Variants in MEIS1 observed in about 807,000 individuals in gnomAD.
MEIS1 encodes the protein Meis homeobox 1.
A neutral mutation model predicts 50.8 loss-of-function variants in MEIS1; 5 were observed. The ratio of observed to expected loss-of-function variants is 0.10; its 90% confidence interval spans 0.05 to 0.21. The LOEUF is 0.21. Ranked by LOEUF, MEIS1 falls within the 10% of genes least tolerant of loss-of-function variation. The probability of loss-of-function intolerance (pLI) is 1.00; values close to 1 mark genes in which losing one functional copy is unlikely to be tolerated. For missense variants in MEIS1, 318 were observed against 517.3 expected, an observed-to-expected ratio of 0.61 and a Z score of 3.74; for synonymous variants, 176 against 179.3, an observed-to-expected ratio of 0.98 and a Z score of 0.15.
chr2:66,503,439 AT>A (rs1313642896), intron 7 of MEIS1, among the ~76,000 whole-genome samples: 2 of 152,104 alleles, frequency 1.3e-5, no homozygotes, highest in Admixed American at 1.3e-4. Context: ...CGCCCTTTAG[AT>A]TTTGGCTCAA....
At chr2:66,481,757 A>C (rs1224974313) in intron 7 of MEIS1, among the ~76,000 whole-genome samples, 1 of 151,884 alleles carries the variant, frequency 6.6e-6, no homozygotes, top group Non-Finnish European at 1.5e-5. Context: ...CATCTACTGA[A>C]GTTGGCGCTG....
intron 6 of MEIS1, among the ~76,000 whole-genome samples, chr2:66,460,335 A>C (rs776764203): frequency 2.6e-5 from 4 of 152,184 alleles, no homozygotes; most frequent in Non-Finnish European, 4.4e-5. Flanking sequence ...ACCAGATGCC[A>C]GTAAGATTGC....
chr2:66,503,093 T>C (rs892650023), intron 7 of MEIS1, among the ~76,000 whole-genome samples: 2 of 152,182 alleles, frequency 1.3e-5, no homozygotes, highest in African/African-American at 2.4e-5. Context: ...TTCTTTAATC[T>C]TCATGATTTA....
In MEIS1 at chr2:66,490,113, C is replaced by A. The variant is rs994223735; in HGVS notation, c.743-22036C>A. Among the ~76,000 whole-genome samples the A allele has an allele frequency of 2.0e-5, 3 of 152,206 alleles. No individual in the cohort carries two copies. In the South Asian group the frequency reaches 6.2e-4, roughly 31 times the overall value. ...AAAGCCTTTTTAAAAATGAAAAAGT[C>A]AAAATCCATTACATTTCCATATTTG... On this transcript the variant is annotated intron_variant, in intron 7 of 12. Transcript: ENST00000272369.
chr2:66,485,913 GTTCATATCC>G (rs1673131558), intron 7 of MEIS1, among the ~76,000 whole-genome samples: 1 of 152,104 alleles, frequency 6.6e-6, no homozygotes, highest in South Asian at 2.1e-4. Flanking sequence ...AAAAGTGTCT[GTTCATATCC>G]TTCACCCACT....
intron 7 of MEIS1, among the ~76,000 whole-genome samples, chr2:66,475,723 G>A (rs1672878145): frequency 6.6e-6 from 1 of 152,204 alleles, no homozygotes; most frequent in African/African-American, 2.4e-5. Flanking sequence ...CAGGGAGATG[G>A]CAGAGGCTGG....
chr2:66,467,842 T>C (rs2103752949), intron 7 of MEIS1, among the ~76,000 whole-genome samples: 1 of 152,338 alleles, frequency 6.6e-6, no homozygotes, highest in Middle Eastern at 3.4e-3. Context: ...AAAGTCCTTT[T>C]CAATTGGCAT....
rs747890719 is a variant in MEIS1, at chr2:66,437,822, T to C, written c.98T>C (p.Met33Thr). 4 of 1,613,868 alleles carry C rather than the reference T, an allele frequency of 2.5e-6. No homozygotes were observed. The highest frequency in any genetic ancestry group is 3.3e-5 in the Admixed American group (2 of 59,998). The change falls in exon 2 of 13, where the codon ATG becomes ACG. Residue 33 changes from methionine (M) to threonine (T), a missense_variant. Physicochemically the swap from Met to Thr is moderately conservative, Grantham distance 81 (BLOSUM62 -1). This residue lies in a region of MEIS1 where 100 missense variants were observed against 107.1 expected (regional missense o/e 0.93). Coordinates refer to ENST00000272369, the MANE Select transcript of MEIS1 (RefSeq NM_002398.3). ...GGGGACCCGCATGCAGCCAGGTCCATGCAGCCGGTCCACCACCTGAACCAC... is the reference window on the plus strand; with the variant it reads ...GGGGACCCGCATGCAGCCAGGTCCACGCAGCCGGTCCACCACCTGAACCAC... Reference protein sequence around the residue: ...MYGDPHAARSMQPVHHLNHGP... With the variant: ...MYGDPHAARSTQPVHHLNHGP...
intron 8 of MEIS1, among the ~76,000 whole-genome samples, chr2:66,540,875 TA>T (rs570709528): frequency 4.6e-5 from 7 of 152,018 alleles, no homozygotes; most frequent in Non-Finnish European, 8.8e-5. Flanking sequence ...TAAGCAACTT[TA>T]AAAAAAATTC....
intron 7 of MEIS1, among the ~76,000 whole-genome samples, chr2:66,466,627 T>C (rs1228954900): frequency 6.6e-6 from 1 of 152,242 alleles, no homozygotes; most frequent in Non-Finnish European, 1.5e-5. Context: ...CTGGCAGGCA[T>C]GGATGTGTAA....
At chr2:66,450,101 C>T (rs1672244360) in intron 6 of MEIS1, among the ~76,000 whole-genome samples, 1 of 151,992 alleles carries the variant, frequency 6.6e-6, no homozygotes, top group Non-Finnish European at 1.5e-5. Flanking sequence ...TATAAAGTAA[C>T]CATATTATGG....
At chr2:66,556,257 A>G (rs116424322) in intron 9 of MEIS1, among the ~76,000 whole-genome samples, 7 of 152,304 alleles carry the variant, frequency 4.6e-5, no homozygotes, top group Non-Finnish European at 8.8e-5. Context: ...CAAATAAACA[A>G]AAGAATATTA....
chr2:66,555,047 T>A (rs1335938090), intron 9 of MEIS1, among the ~76,000 whole-genome samples: 2 of 152,168 alleles, frequency 1.3e-5, no homozygotes, highest in Non-Finnish European at 2.9e-5. Flanking sequence ...CAAAATTTGT[T>A]TTTTCCTCAG....
chr2:66,556,311 T>A (rs1675063364), intron 9 of MEIS1, among the ~76,000 whole-genome samples: 1 of 152,310 alleles, frequency 6.6e-6, no homozygotes, highest in South Asian at 2.1e-4. Context: ...CTTTTTACCC[T>A]CTTAACTAAC....
intron 8 of MEIS1, among the ~76,000 whole-genome samples, chr2:66,530,086 A>G (rs1330076915): frequency 2.0e-5 from 3 of 152,068 alleles, no homozygotes; most frequent in Non-Finnish European, 4.4e-5. Context: ...TGGATCTTTT[A>G]GCAGGCTGGA....
intron 7 of MEIS1, among the ~76,000 whole-genome samples, chr2:66,491,540 G>A (rs1673272746): frequency 6.6e-6 from 1 of 152,190 alleles, no homozygotes; most frequent in African/African-American, 2.4e-5. Flanking sequence ...AGTTTTCTCA[G>A]GCCTTGGATA....
At chr2:66,453,572 C>T (rs1235931333) in intron 6 of MEIS1, among the ~76,000 whole-genome samples, 2 of 152,022 alleles carry the variant, frequency 1.3e-5, no homozygotes, top group East Asian at 3.9e-4. Context: ...AATCTTTTCC[C>T]AACTCCAAAT....
chr2:66,466,564 C>G (rs1187523368), intron 7 of MEIS1, among the ~76,000 whole-genome samples: 1 of 152,196 alleles, frequency 6.6e-6, no homozygotes, highest in Non-Finnish European at 1.5e-5. Flanking sequence ...TTTGTGCAGC[C>G]TTCGGATTAA....
intron 6 of MEIS1, among the ~76,000 whole-genome samples, chr2:66,462,266 TTA>T (rs1457582757): frequency 3.3e-5 from 5 of 152,160 alleles, no homozygotes; most frequent in Non-Finnish European, 7.4e-5. Flanking sequence ...AGCTTTTCTA[TTA>T]ATTACCAGTC....
Sources: allele counts gnomAD v4.1 joint callset (sites outside exome capture counted in the v4.1 genomes callset), GRCh38; gene constraint gnomAD v4.1.1; regional missense constraint gnomAD v4.1.1; transcripts MANE v1.5; gene names NCBI Gene and HGNC (gene_info 2026-07-23, HGNC 2026-07-21).